Variants in SORBS2 observed in about 807,000 individuals in gnomAD.
SORBS2 encodes sorbin and SH3 domain containing 2, also known as sorbin and SH3 domain-containing protein 2.
SORBS2 carries 46 observed loss-of-function variants against 97.7 expected under a neutral mutation model. That is an observed-to-expected ratio of 0.47 (90% confidence interval 0.37 to 0.60). The LOEUF is 0.60. SORBS2 is among the 20% of genes least tolerant of loss of function. The pLI, the probability that SORBS2 is intolerant of heterozygous loss-of-function variation, is 0.00. For synonymous variants in SORBS2, 476 were observed against 473.4 expected (o/e 1.01, Z -0.07); for missense variants, 1,316 against 1,282.3 (o/e 1.03, Z -0.40).
intron 4 of SORBS2, 80 bp from the exon 17 acceptor site, chr4:185,630,678 T>A: frequency 1.4e-6 from 1 of 732,420 alleles, no homozygotes; most frequent in Non-Finnish European, 2.4e-6. Context: ...AAATTAGGTA[T>A]CCTAAAAAGA....
At chr4:185,907,583 A>G (rs772575318) in intron 1 of SORBS2, among the ~76,000 whole-genome samples, 29 of 152,280 alleles carry the variant, frequency 1.9e-4, no homozygotes, top group Middle Eastern at 3.4e-3. Context: ...TTTCTTGATG[A>G]TGGATATTTT....
At chr4:185,696,409 C>T (rs1402864458) in intron 2 of SORBS2, among the ~76,000 whole-genome samples, 2 of 152,254 alleles carry the variant, frequency 1.3e-5, no homozygotes, top group East Asian at 3.9e-4. Context: ...ACTCATTTCA[C>T]TATTTGCTTT....
intron 1 of SORBS2, among the ~76,000 whole-genome samples, chr4:185,879,950 G>A (rs4862583): frequency 0.28 from 42,105 of 152,026 alleles, 6,089 homozygotes; most frequent in East Asian, 0.54. Flanking sequence ...CAGATTTCCG[G>A]GACACGGCAG....
intron 1 of SORBS2, among the ~76,000 whole-genome samples, chr4:185,653,818 T>C: frequency 6.6e-6 from 1 of 152,174 alleles, no homozygotes; most frequent in East Asian, 1.9e-4. Flanking sequence ...TTACCCCAAC[T>C]CTCTGAGAGC....
At chr4:185,942,403 T>G (rs898283211) in intron 1 of SORBS2, among the ~76,000 whole-genome samples, 2 of 151,420 alleles carry the variant, frequency 1.3e-5, no homozygotes, top group African/African-American at 4.8e-5. Context: ...CAGTCTGGAG[T>G]GCAGTGGTGT....
chr4:185,628,915 T>C (rs749495375), intron 5 of SORBS2, among the ~76,000 whole-genome samples: 7 of 152,238 alleles, frequency 4.6e-5, no homozygotes, highest in Admixed American at 1.3e-4. Flanking sequence ...TGTTAATGAA[T>C]GAAGCCACAT....
intron 1 of SORBS2, among the ~76,000 whole-genome samples, chr4:185,778,307 C>T (rs1480555574): frequency 6.6e-6 from 1 of 152,166 alleles, no homozygotes; most frequent in Non-Finnish European, 1.5e-5. Flanking sequence ...GTAGGTCTGG[C>T]GGGGCCTGAA....
At chr4:185,922,098 T>G (rs2099261168) in intron 1 of SORBS2, among the ~76,000 whole-genome samples, 1 of 152,226 alleles carries the variant, frequency 6.6e-6, no homozygotes, top group Non-Finnish European at 1.5e-5. Flanking sequence ...TTGCCACAGC[T>G]CTAATCAGGC....
chr4:185,683,432 C>G (rs1162169507), intron 2 of SORBS2, among the ~76,000 whole-genome samples: 4 of 152,150 alleles, frequency 2.6e-5, no homozygotes, highest in Admixed American at 2.6e-4. Flanking sequence ...CAATGACATT[C>G]AGGGTATTGG....
intron 1 of SORBS2, among the ~76,000 whole-genome samples, chr4:185,840,546 A>G (rs1426665359): frequency 6.6e-6 from 1 of 152,178 alleles, no homozygotes; most frequent in Non-Finnish European, 1.5e-5. Context: ...TTCTTCTTCT[A>G]TCAAATCCAA....
chr4:185,754,853 G>A (rs1404435477), intron 2 of SORBS2, among the ~76,000 whole-genome samples: 2 of 152,212 alleles, frequency 1.3e-5, no homozygotes, highest in Admixed American at 1.3e-4. Flanking sequence ...TGGGTTTCAT[G>A]AGGCAGACCT....
intron 2 of SORBS2, among the ~76,000 whole-genome samples, chr4:185,755,826 T>A (rs1342873862): frequency 6.6e-6 from 1 of 151,414 alleles, no homozygotes; most frequent in Non-Finnish European, 1.5e-5. Flanking sequence ...TCCTCATATC[T>A]CACTTGGCAT....
intron 2 of SORBS2, among the ~76,000 whole-genome samples, chr4:185,740,871 C>T (rs762541284): frequency 1.3e-5 from 2 of 151,886 alleles, no homozygotes; most frequent in Non-Finnish European, 2.9e-5. Flanking sequence ...CAACTCGAAC[C>T]AGCACTAACT....
At chr4:185,933,523 G>A (rs2099267457) in intron 1 of SORBS2, among the ~76,000 whole-genome samples, 1 of 152,148 alleles carries the variant, frequency 6.6e-6, no homozygotes, top group South Asian at 2.1e-4. Context: ...GGCTGTGCGG[G>A]AGAGTCTGTT....
rs201130574 is a variant in SORBS2 at position 185,651,789 on chromosome 4, T to C, written c.91+873A>G. On this transcript the variant is annotated intron_variant, in intron 2 of 14. Coordinates refer to ENST00000418609, the Ensembl canonical transcript of SORBS2. The stretch of plus-strand genomic sequence containing the variant: ...AGCAAGGAAACCCATCCTACCTGCA[T>C]TGTATGTATAAGGAGTATTATACAT... 104 of 1,506,184 alleles carry C rather than the reference T, an allele frequency of 6.9e-5. 1 individual carries two copies. In the South Asian group the frequency reaches 1.1e-3, roughly 16 times the overall value. The allele number at this position is 1,506,184 out of a possible 1,614,324, so 93.3% of individuals were successfully genotyped here.
intron 2 of SORBS2, among the ~76,000 whole-genome samples, chr4:185,686,253 T>C (rs1173050205): frequency 6.6e-6 from 1 of 152,150 alleles, no homozygotes; most frequent in Non-Finnish European, 1.5e-5. Flanking sequence ...GAATTTAGAT[T>C]GGTAAAGATG....
intron 6 of SORBS2, 28 bp downstream of exon 18, chr4:185,626,804 T>C (rs1561504680): frequency 4.4e-6 from 7 of 1,607,964 alleles, no homozygotes; most frequent in African/African-American, 1.3e-5. Flanking sequence ...AACTAGTAAA[T>C]TGTTGTGTTT....
At chr4:185,778,003 A>G (rs2099008423) in intron 1 of SORBS2, among the ~76,000 whole-genome samples, 1 of 152,238 alleles carries the variant, frequency 6.6e-6, no homozygotes, top group Non-Finnish European at 1.5e-5. Flanking sequence ...TATTGACCAC[A>G]CGTTGAAAAA....
At chr4:185,778,847 T>C (rs951704735) in intron 1 of SORBS2, among the ~76,000 whole-genome samples, 1 of 146,110 alleles carries the variant, frequency 6.8e-6, no homozygotes, top group Admixed American at 7.1e-5. Flanking sequence ...ACTCTACAAT[T>C]GTTAGAACTG....
Sources: allele counts gnomAD v4.1 joint callset (sites outside exome capture counted in the v4.1 genomes callset), GRCh38; gene constraint gnomAD v4.1.1; transcripts MANE v1.5; gene names NCBI Gene and HGNC (gene_info 2026-07-23, HGNC 2026-07-21).